ALK: variants seen among roughly 807,000 people sequenced by gnomAD.
ALK encodes the protein ALK receptor tyrosine kinase, also known as ALK tyrosine kinase receptor.
In ALK, 74 loss-of-function variants were observed where a neutral mutation model predicts 163.1. The ratio of observed to expected loss-of-function variants is 0.45; its 90% CI spans 0.38 to 0.55. ALK has a LOEUF of 0.55. ALK is among the 20% of genes least tolerant of loss of function. The pLI, the probability that ALK is intolerant of heterozygous loss-of-function variation, is 0.00. For synonymous variants in ALK, 960 were observed against 843.2 expected, an observed-to-expected ratio of 1.14 and a Z score of -2.40; for missense variants, 2,063 against 2,105.3, an observed-to-expected ratio of 0.98 and a Z score of 0.39.
chr2:29,421,536 C>G (rs1670016594), intron 4 of ALK, among the ~76,000 whole-genome samples: 1 of 151,484 alleles, frequency 6.6e-6, no homozygotes, highest in Non-Finnish European at 1.5e-5. Flanking sequence ...GAGCCTGTTT[C>G]CTTTAAAAGC....
At chr2:29,826,448 T>TAAA (rs397959887) in intron 1 of ALK, among the ~76,000 whole-genome samples, 4 of 140,080 alleles carry the variant, frequency 2.9e-5, no homozygotes, top group Admixed American at 7.2e-5. Flanking sequence ...CCAGTTGATT[T>TAAA]AAAAAAAAAA....
chr2:29,917,587 A>G (rs1445178618), intron 1 of ALK, among the ~76,000 whole-genome samples: 1 of 152,220 alleles, frequency 6.6e-6, no homozygotes, highest in African/African-American at 2.4e-5. Context: ...TGGAGACTGT[A>G]TCTGAATGAG....
intron 3 of ALK, among the ~76,000 whole-genome samples, chr2:29,544,200 T>C (rs756633022): frequency 1.2e-4 from 19 of 152,158 alleles, no homozygotes; most frequent in Admixed American, 3.3e-4. Flanking sequence ...CTCACCCAGA[T>C]GCATGCCCCG....
At chr2:29,198,436 C>G (rs1046587811) in intron 26 of ALK, among the ~76,000 whole-genome samples, 1 of 152,206 alleles carries the variant, frequency 6.6e-6, no homozygotes, top group Non-Finnish European at 1.5e-5. Context: ...TCCCACACCC[C>G]TCCACTTCCC....
At chr2:29,598,638 T>C (rs1675284843) in intron 3 of ALK, among the ~76,000 whole-genome samples, 1 of 152,176 alleles carries the variant, frequency 6.6e-6, no homozygotes, top group Admixed American at 6.5e-5. Context: ...TACAAAGCTA[T>C]GTATAATCAG....
intron 3 of ALK, among the ~76,000 whole-genome samples, chr2:29,535,572 A>G (rs1335805697): frequency 6.6e-6 from 1 of 152,246 alleles, no homozygotes; most frequent in Non-Finnish European, 1.5e-5. Context: ...TCAAGTAGGC[A>G]GTACTGTGCC....
intron 13 of ALK, among the ~76,000 whole-genome samples, chr2:29,234,610 T>C (rs1459161261): frequency 6.6e-6 from 1 of 152,100 alleles, no homozygotes; most frequent in Non-Finnish European, 1.5e-5. Flanking sequence ...CCTGGGAAAC[T>C]GTGACAGGGG....
chr2:29,475,871 A>AGG (rs1441074124), intron 4 of ALK, among the ~76,000 whole-genome samples: 212 of 151,438 alleles, frequency 1.4e-3, no homozygotes, highest in Non-Finnish European at 2.3e-3. Flanking sequence ...CAATAAACAG[A>AGG]GAGAGAGAGC....
chr2:29,719,798 C>T (rs1679372174), intron 1 of ALK, among the ~76,000 whole-genome samples: 1 of 152,144 alleles, frequency 6.6e-6, no homozygotes, highest in Non-Finnish European at 1.5e-5. Flanking sequence ...CAGGGTGGTC[C>T]TCAGCTCTCC....
At chr2:29,585,115 T>C (rs765023641) in intron 3 of ALK, among the ~76,000 whole-genome samples, 17 of 152,214 alleles carry the variant, frequency 1.1e-4, no homozygotes, top group Non-Finnish European at 2.2e-4. Context: ...TCTATCTTTC[T>C]TAATTATTTT....
At chr2:29,395,729 A>T (rs1057178547) in intron 4 of ALK, among the ~76,000 whole-genome samples, 1 of 152,206 alleles carries the variant, frequency 6.6e-6, no homozygotes, top group African/African-American at 2.4e-5. Flanking sequence ...TTAAGACCCT[A>T]GTTCCAGAGG....
intron 1 of ALK, among the ~76,000 whole-genome samples, chr2:29,780,819 A>G (rs1681312296): frequency 6.6e-6 from 1 of 152,252 alleles, no homozygotes; most frequent in Non-Finnish European, 1.5e-5. Flanking sequence ...TGACTTTATC[A>G]TTATATGGAA....
At chr2:29,351,595 G>A (rs986242152) in intron 5 of ALK, among the ~76,000 whole-genome samples, 4 of 152,178 alleles carry the variant, frequency 2.6e-5, no homozygotes, top group Admixed American at 6.5e-5. Flanking sequence ...GTGTGGTTCC[G>A]CCTTAAGAGA....
intron 9 of ALK, among the ~76,000 whole-genome samples, chr2:29,282,942 T>A (rs1319041184): frequency 6.6e-6 from 1 of 152,194 alleles, no homozygotes; most frequent in Non-Finnish European, 1.5e-5. Context: ...TGGAGACCCA[T>A]CTCTGGCAAG....
chr2:29,277,840 A>G (rs1374344088), intron 9 of ALK, among the ~76,000 whole-genome samples: 1 of 152,242 alleles, frequency 6.6e-6, no homozygotes, highest in East Asian at 1.9e-4. Flanking sequence ...TCTGAGAGGC[A>G]TCTCTCATTC....
At position 29,607,250 on chromosome 2, in the gene ALK, G is replaced by A. The variant is rs73921122; in HGVS notation, c.953-75134C>T. Among the ~76,000 whole-genome samples the A allele has an allele frequency of 3.1e-3, 470 of 152,272 alleles. 1 individual carries two copies. The highest frequency in any genetic ancestry group is 0.011 in the African/African-American group (437 of 41,542). On this transcript the variant is annotated intron_variant, in intron 3 of 28. Transcript: ENST00000389048. ...AGTAGTGCTTTCCTCCTTGACGGGC[G>A]TGGTAATAACAGAAGTGGGGAGAAC...
At chr2:29,707,683 T>C (rs1031790448) in intron 2 of ALK, among the ~76,000 whole-genome samples, 1 of 152,122 alleles carries the variant, frequency 6.6e-6, no homozygotes, top group African/African-American at 2.4e-5. Flanking sequence ...CAAATACTAG[T>C]GTGATTAAAG....
At chr2:29,844,045 T>C (rs1397907154) in intron 1 of ALK, among the ~76,000 whole-genome samples, 1 of 152,090 alleles carries the variant, frequency 6.6e-6, no homozygotes, top group Non-Finnish European at 1.5e-5. Flanking sequence ...TAATCTGACA[T>C]ATAGGACTTG....
At chr2:29,316,636 A>G (rs1474269689) in intron 8 of ALK, among the ~76,000 whole-genome samples, 1 of 152,172 alleles carries the variant, frequency 6.6e-6, no homozygotes, top group African/African-American at 2.4e-5. Context: ...TGGGCCAACC[A>G]TCTGTCTTCA....
Sources: gnomAD v4.1 joint callset for allele counts (sites outside exome capture counted in the v4.1 genomes callset) on GRCh38, gnomAD v4.1.1 for gene constraint, MANE v1.5 for transcripts, NCBI Gene and HGNC (gene_info 2026-07-23, HGNC 2026-07-21) for gene names.